MTHFD1L: variants seen among roughly 807,000 people sequenced by gnomAD.
The protein encoded by MTHFD1L is monofunctional C1-tetrahydrofolate synthase, mitochondrial.
MTHFD1L carries 81 observed loss-of-function variants against 119.5 expected under a neutral mutation model. The ratio of observed to expected loss-of-function variants is 0.68; its 90% CI spans 0.57 to 0.82. The LOEUF (loss-of-function observed/expected upper bound fraction) is 0.82. Ranked by LOEUF, MTHFD1L falls within the 40% of genes least tolerant of loss-of-function variation. MTHFD1L has a pLI of 0.00. For synonymous variants in MTHFD1L, 430 were observed against 475.2 expected (o/e 0.90, Z 1.24); for missense variants, 1,125 against 1,253.4 (o/e 0.90, Z 1.55).
At position 150,994,094 on chromosome 6, in the gene MTHFD1L, A is replaced by T. The variant is rs803504; in HGVS notation, c.2126-15725A>T. On this transcript the variant is annotated intron_variant, in intron 20 of 27. Coordinates refer to ENST00000367321, the MANE Select transcript of MTHFD1L (RefSeq NM_015440.5). Reference sequence around the variant, plus strand: ...AAAAAAAAAAAAGAAAGAAAGAAAGAAAGTGACCCAGCACTATAATACAAG... The same window carrying T: ...AAAAAAAAAAAAGAAAGAAAGAAAGTAAGTGACCCAGCACTATAATACAAG... Among the ~76,000 whole-genome samples, 772 of 119,370 alleles carry T rather than the reference A, an allele frequency of 6.5e-3. 34 individuals are homozygous for T. Among genetic ancestry groups the T allele is most frequent in the African/African-American group, 0.021 (645 of 31,444 alleles). 78.3% of individuals were successfully genotyped at this position (119,370 alleles called of 152,430 possible). A position where few individuals can be genotyped will look rare whatever the true frequency, so the allele number is the denominator to read the frequency against.
chr6:151,076,065 T>A (rs1329107376), intron 26 of MTHFD1L, among the ~76,000 whole-genome samples: 1 of 152,226 alleles, frequency 6.6e-6, no homozygotes, highest in African/African-American at 2.4e-5. Context: ...GCTATTAGAA[T>A]GTCTACAATT....
In MTHFD1L at chr6:151,001,493, C is replaced by G. The variant is rs542830106; in HGVS notation, c.2126-8326C>G. 2.6e-5 allele frequency among the ~76,000 whole-genome samples: 4 copies of G among 152,276 alleles called. No individual in the cohort carries two copies. The East Asian group carries it at 7.7e-4, about 29-fold the overall frequency. ...TAAAGCGGTTCTTGCCTTTTCTTTTCCCTCCATGCACATGTGCTGACAACA... is the reference window on the plus strand; with the variant it reads ...TAAAGCGGTTCTTGCCTTTTCTTTTGCCTCCATGCACATGTGCTGACAACA... On this transcript the variant is annotated intron_variant, in intron 20 of 27. Transcript: ENST00000367321.
intron 26 of MTHFD1L, among the ~76,000 whole-genome samples, chr6:151,056,530 C>T (rs1410514508): frequency 6.6e-6 from 1 of 152,178 alleles, no homozygotes; most frequent in Non-Finnish European, 1.5e-5. Flanking sequence ...TAGTTTTTAT[C>T]CCCAGACCAA....
chr6:150,976,703 G>T (rs764308993), intron 20 of MTHFD1L, among the ~76,000 whole-genome samples: 1 of 152,150 alleles, frequency 6.6e-6, no homozygotes, highest in African/African-American at 2.4e-5. Context: ...AAGATACAAG[G>T]ATAAAAAACA....
At chr6:150,950,463 C>T (rs1030385711) in intron 16 of MTHFD1L, among the ~76,000 whole-genome samples, 3 of 152,228 alleles carry the variant, frequency 2.0e-5, no homozygotes, top group Non-Finnish European at 2.9e-5. Context: ...AGACCAGAGA[C>T]TGAGCGTTGG....
chr6:151,063,033 T>TA (rs112963232), intron 26 of MTHFD1L, among the ~76,000 whole-genome samples: 43 of 143,250 alleles, frequency 3.0e-4, no homozygotes, highest in Middle Eastern at 3.5e-3. Context: ...TAAAGTACAA[T>TA]AAAAAAAAAA....
At chr6:151,073,688 TAAA>T (rs59835432) in intron 26 of MTHFD1L, among the ~76,000 whole-genome samples, 32 of 149,294 alleles carry the variant, frequency 2.1e-4, no homozygotes, top group Admixed American at 1.4e-3. Context: ...CCTGAAATGA[TAAA>T]AAAAAAAAAC....
chr6:150,967,892 A>C (rs565322780), intron 19 of MTHFD1L, among the ~76,000 whole-genome samples: 1 of 152,104 alleles, frequency 6.6e-6, no homozygotes, highest in Non-Finnish European at 1.5e-5. Context: ...TTGCCTTCCT[A>C]CTTAGAGTTC....
intron 1 of MTHFD1L, chr6:150,866,362 C>T: frequency 3.5e-6 from 5 of 1,416,976 alleles, no homozygotes; most frequent in Non-Finnish European, 4.6e-6. Context: ...GGCTCTGATG[C>T]AATCGCGCCG....
intron 14 of MTHFD1L, among the ~76,000 whole-genome samples, chr6:150,945,261 A>T (rs1793733627): frequency 6.6e-6 from 1 of 152,252 alleles, no homozygotes; most frequent in Non-Finnish European, 1.5e-5. Context: ...ACTCTTTGCA[A>T]TGTGTATTAT....
intron 24 of MTHFD1L, among the ~76,000 whole-genome samples, chr6:151,029,760 C>T (rs1043254586): frequency 2.0e-5 from 3 of 152,202 alleles, no homozygotes; most frequent in Non-Finnish European, 4.4e-5. Flanking sequence ...CTCGCCATTC[C>T]ACTCCACCCT....
intron 7 of MTHFD1L, among the ~76,000 whole-genome samples, chr6:150,903,220 T>C (rs1233860259): frequency 3.7e-5 from 5 of 135,978 alleles, no homozygotes; most frequent in African/African-American, 8.4e-5. Context: ...TTTTTTTTTT[T>C]TTTTTTTTTT....
At position 151,030,904 on chromosome 6, in the gene MTHFD1L, G is replaced by C. The variant is rs559662075; in HGVS notation, c.2587-3589G>C. On this transcript the variant is annotated intron_variant, in intron 24 of 27. Coordinates refer to ENST00000367321, the MANE Select transcript of MTHFD1L (RefSeq NM_015440.5). ...CATTGAATCTTTTACATTAGAAGTT[G>C]CCCATGCAGGGCACGCCTGTAATCC... 4.6e-5 allele frequency among the ~76,000 whole-genome samples: 7 copies of C among 152,316 alleles called. No homozygotes were observed. In the East Asian group the frequency reaches 1.4e-3, roughly 29 times the overall value.
intron 26 of MTHFD1L, among the ~76,000 whole-genome samples, chr6:151,073,936 G>T (rs572239155): frequency 9.8e-4 from 149 of 152,212 alleles, no homozygotes; most frequent in African/African-American, 3.2e-3. Flanking sequence ...TTTCAAATTT[G>T]ATAGAAACTA....
chr6:150,945,630 T>G lies in MTHFD1L; in HGVS notation c.1623+89T>G. 8.3e-6 allele frequency: 11 copies of G among 1,318,124 alleles called. No homozygotes were observed. In the South Asian group the frequency reaches 1.4e-4, roughly 16 times the overall value. 81.7% of individuals were successfully genotyped at this position (1,318,124 alleles called of 1,614,324 possible). Reference sequence around the variant, plus strand: ...CAAAGCCTGAAATTTTCAACTTGGTTTGATTTTGGTTTTCAGATATCCTTT... The same window carrying G: ...CAAAGCCTGAAATTTTCAACTTGGTGTGATTTTGGTTTTCAGATATCCTTT... On this transcript the variant is annotated intron_variant, in intron 15 of 27. Coordinates refer to ENST00000367321, the MANE Select transcript of MTHFD1L (RefSeq NM_015440.5).
At position 150,971,801 on chromosome 6, in the gene MTHFD1L, G is replaced by A. The variant is rs559918864; in HGVS notation, c.2014-146G>A. 4.8e-6 allele frequency: 3 copies of A among 622,116 alleles called. No homozygotes were observed. The South Asian group carries it at 6.6e-5, about 14-fold the overall frequency. The allele number at this position is 622,116 out of a possible 1,614,324, so 38.5% of individuals were successfully genotyped here. A position where few individuals can be genotyped will look rare whatever the true frequency, so the allele number is the denominator to read the frequency against. ...GAATTTGGTCCTTTGATTGAGTCAG[G>A]GTGTTTTGACTGTCTTTGAAATATT... On this transcript the variant is annotated intron_variant, in intron 19 of 27. Coordinates refer to ENST00000367321, the MANE Select transcript of MTHFD1L (RefSeq NM_015440.5).
intron 19 of MTHFD1L, among the ~76,000 whole-genome samples, chr6:150,969,685 A>G (rs1797754468): frequency 6.6e-6 from 1 of 152,226 alleles, no homozygotes. Context: ...AGAAATCCAC[A>G]GTAACTATAA....
intron 4 of MTHFD1L, among the ~76,000 whole-genome samples, chr6:150,881,680 G>C (rs1188362189): frequency 1.3e-5 from 2 of 152,018 alleles, no homozygotes; most frequent in Non-Finnish European, 2.9e-5. Flanking sequence ...TCTTTCCAGT[G>C]ATTTTATTAT....
chr6:151,003,341 G>A (rs1002319228), intron 20 of MTHFD1L, among the ~76,000 whole-genome samples: 5 of 152,168 alleles, frequency 3.3e-5, no homozygotes, highest in African/African-American at 7.2e-5. Flanking sequence ...AGACCAGCCC[G>A]ACCAACATGG....
Sources: allele counts gnomAD v4.1 joint callset (sites outside exome capture counted in the v4.1 genomes callset), GRCh38; gene constraint gnomAD v4.1.1; transcripts MANE v1.5; gene names NCBI Gene and HGNC (gene_info 2026-07-23, HGNC 2026-07-21).